The following PDK4 variants were observed in gnomAD, a reference collection of about 807,000 sequenced individuals.
PDK4 encodes the protein pyruvate dehydrogenase kinase, isozyme 4.
PDK4 carries 43 observed loss-of-function variants against 51.7 expected under a neutral mutation model. The observed-to-expected ratio is 0.83, with a 90% CI of 0.65 to 1.07. The LOEUF (loss-of-function observed/expected upper bound fraction) is 1.07, where lower values mean the gene tolerates loss of function less well. Among genes scored for constraint, PDK4 ranks in the 50% least tolerant of loss-of-function variants. PDK4 has a pLI of 0.00. For missense variants in PDK4, 498 were observed against 503.5 expected (o/e 0.99, Z 0.10); for synonymous variants, 170 against 176.6 (o/e 0.96, Z 0.30).
rs1791468766 is a variant in PDK4 at position 95,585,454 on chromosome 7, A to C, written c.*187T>G. On this transcript the variant is annotated 3_prime_UTR_variant, in exon 11 of 11. Coordinates refer to ENST00000005178, the MANE Select transcript of PDK4 (RefSeq NM_002612.4). The stretch of plus-strand genomic sequence containing the variant: ...GAGCTGGCCATCTGTTAACTCCTGT[A>C]GTCTTGCACTAAGTTCTCCTGGGTC... 5 of 444,984 alleles carry C rather than the reference A, an allele frequency of 1.1e-5. No individual in the cohort carries two copies. Among genetic ancestry groups the C allele is most frequent in the Middle Eastern group, 5.9e-4 (1 of 1,700 alleles). 27.6% of individuals were successfully genotyped at this position (444,984 alleles called of 1,614,324 possible). A position where few individuals can be genotyped will look rare whatever the true frequency, so the allele number is the denominator to read the frequency against.
chr7:95,592,075 A>C lies in PDK4; in HGVS notation c.617-10T>G, dbSNP rs1791559309. On this transcript the variant is annotated splice_polypyrimidine_tract_variant and intron_variant, in intron 5 of 10. Transcript: ENST00000005178. Reference sequence around the variant, plus strand: ...GAACACTCAAAGGCATCTGGAATAGAAGTTGTTTTTTATAACAATGAAATG... The same window carrying C: ...GAACACTCAAAGGCATCTGGAATAGCAGTTGTTTTTTATAACAATGAAATG... 3 of 1,540,446 alleles carry C rather than the reference A, an allele frequency of 1.9e-6. No individual in the cohort carries two copies. The highest frequency in any genetic ancestry group is 1.8e-6 in the Non-Finnish European group (2 of 1,135,464).
chr7:95,592,898 C>A lies in PDK4; in HGVS notation c.391G>T (p.Val131Phe). ...IKVRNRHHNV[V>F]PTMAQGIIEY... ...ATGATTCCTTGTGCCATTGTAGGGACTACATTATGGTGTCTATTTCGAACT... is the reference window on the plus strand; with the variant it reads ...ATGATTCCTTGTGCCATTGTAGGGAATACATTATGGTGTCTATTTCGAACT... The change falls in exon 4 of 11, where the codon GTC becomes TTC. Residue 131 changes from valine to phenylalanine, a missense_variant. Val to Phe is a conservative substitution (Grantham distance 50). Coordinates refer to ENST00000005178, the MANE Select transcript of PDK4 (RefSeq NM_002612.4). The A allele has an allele frequency of 6.2e-7, 1 of 1,611,654 alleles. No individual in the cohort carries two copies. Among genetic ancestry groups the A allele is most frequent in the Non-Finnish European group, 8.5e-7 (1 of 1,178,318 alleles).
chr7:95,593,507 A>G (rs3779478), intron 3 of PDK4, among the ~76,000 whole-genome samples, 192 bp downstream of exon 3: 11,567 of 152,184 alleles, frequency 0.076, 520 homozygotes, highest in South Asian at 0.23. Flanking sequence ...ACATTTCTTC[A>G]CACTCAGCAT....
Position 95,591,541 on chromosome 7 carries a change from C to T in PDK4, c.694+447G>A, listed in dbSNP as rs187163379. 2.5e-3 allele frequency among the ~76,000 whole-genome samples: 385 copies of T among 152,226 alleles called. 1 individual carries two copies. Among genetic ancestry groups the T allele is most frequent in the Non-Finnish European group, 3.4e-3 (230 of 68,030 alleles). ...CTGTGAGTGTGACCATTTTATACAT[C>T]TCATATAAGTGGAATCATGCATCTG... On this transcript the variant is annotated intron_variant, in intron 6 of 10. Transcript: ENST00000005178.
At chr7:95,586,333 T>C (rs760414932) in intron 10 of PDK4, among the ~76,000 whole-genome samples, 1 of 151,908 alleles carries the variant, frequency 6.6e-6, no homozygotes, top group African/African-American at 2.4e-5. Context: ...TAGCTGGGGT[T>C]ACAGGCACCC....
In PDK4 at chr7:95,596,341, G is replaced by A; in HGVS notation, c.-48C>T. 2 of 1,534,994 alleles carry A rather than the reference G, an allele frequency of 1.3e-6. No individual in the cohort carries two copies. Among genetic ancestry groups the A allele is most frequent in the Non-Finnish European group, 1.7e-6 (2 of 1,143,122 alleles). ...GGGGACTGTGGCTGGCTTGAGGGGC[G>A]AAGGCTGCTCGGAGCAGAGCCTGGT... On this transcript the variant is annotated 5_prime_UTR_variant, in exon 1 of 11. Transcript: ENST00000005178.
At position 95,595,105 on chromosome 7, in the gene PDK4, TCA is replaced by T. The variant is rs1291994905; in HGVS notation, c.188_189del (p.Val63GlufsTer10). 1.9e-6 allele frequency: 3 copies of T among 1,612,454 alleles called. No individual in the cohort carries two copies. Among genetic ancestry groups the T allele is most frequent in the Non-Finnish European group, 2.5e-6 (3 of 1,178,694 alleles). ...ATTTCCTTCAGAATGTTGGCGAGTC[TCA>T]CAGGCAATTCTTGTCGCAAAAATGC... Reference protein sequence around the residue: ...SFAFLRQELPVRLANILKEID... With the variant: ...SFAFLRQELPXRLANILKEID... On this transcript the variant is annotated frameshift_variant, in exon 2 of 11. Coordinates refer to ENST00000005178, the MANE Select transcript of PDK4 (RefSeq NM_002612.4). LOFTEE classifies it high-confidence loss of function.
At chr7:95,586,088 A>G (rs1244193921) in intron 10 of PDK4, among the ~76,000 whole-genome samples, 1 of 152,180 alleles carries the variant, frequency 6.6e-6, no homozygotes, top group Non-Finnish European at 1.5e-5. Context: ...TTTAGTTGCT[A>G]ATATCTATAT....
chr7:95,591,340 C>T (rs1206964358), intron 6 of PDK4, among the ~76,000 whole-genome samples: 1 of 152,150 alleles, frequency 6.6e-6, no homozygotes, highest in African/African-American at 2.4e-5. Context: ...GAGATCTACC[C>T]TTTTAACAAA....
Position 95,595,155 on chromosome 7 carries a change from T to C in PDK4, c.140A>G (p.Asn47Ser). 1 of 1,611,488 alleles carries C rather than the reference T, an allele frequency of 6.2e-7. No homozygotes were observed. Among genetic ancestry groups the C allele is most frequent in the Non-Finnish European group, 8.5e-7 (1 of 1,177,816 alleles). Residue 47 changes from asparagine to serine, a missense_variant, in exon 2 of 11, where the codon AAT (asparagine) becomes AGT (serine). Physicochemically the swap from Asn to Ser is conservative, Grantham distance 46. Transcript: ENST00000005178. ...TGCAAAAGAAGTTCTTTCACATGCA[T>C]TTTCTGAACCTATAATAAATGAAAT... ...MKQLLDFGSENACERTSFAFL... is the reference protein window; with the variant it reads ...MKQLLDFGSESACERTSFAFL...
chr7:95,589,761 C>G (rs1791529848), intron 6 of PDK4, 45 bp from the exon 7 acceptor site: 1 of 1,007,808 alleles, frequency 9.9e-7, no homozygotes, highest in Admixed American at 1.7e-5. Flanking sequence ...AAATACTTCA[C>G]TAAAATAAAC....
rs1562839581 is a variant in PDK4 at position 95,595,181 on chromosome 7, C to A, written c.131-17G>T. Reference sequence around the variant, plus strand: ...TTTCTGAACCTATAATAAATGAAATCAATTTAGTTTTGAGAAAAAGTGTGT... The same window carrying A: ...TTTCTGAACCTATAATAAATGAAATAAATTTAGTTTTGAGAAAAAGTGTGT... On this transcript the variant is annotated splice_polypyrimidine_tract_variant and intron_variant, in intron 1 of 10. Transcript: ENST00000005178. 1.3e-6 allele frequency: 2 copies of A among 1,595,602 alleles called. No individual in the cohort carries two copies. The highest frequency in any genetic ancestry group is 8.6e-7 in the Non-Finnish European group (1 of 1,164,638).
In PDK4 at chr7:95,592,955, A is replaced by T. The variant is rs1233277335; in HGVS notation, c.345-11T>A. On this transcript the variant is annotated splice_polypyrimidine_tract_variant and intron_variant, in intron 3 of 10. Transcript: ENST00000005178. ...AGTGTATCTACAAAGCTAAGCCACAATATTTATGGTTAGTAAAAGTTCAAA... is the reference window on the plus strand; with the variant it reads ...AGTGTATCTACAAAGCTAAGCCACATTATTTATGGTTAGTAAAAGTTCAAA... 6.5e-7 allele frequency: 1 copy of T among 1,544,438 alleles called. No homozygotes were observed.
At chr7:95,595,571 T>A (rs1355384109) in intron 1 of PDK4, among the ~76,000 whole-genome samples, 3 of 152,158 alleles carry the variant, frequency 2.0e-5, no homozygotes, top group Non-Finnish European at 4.4e-5. Context: ...GAGGGGGAGC[T>A]GTGATATTTC....
rs769677730 is a variant in PDK4 at position 95,589,750 on chromosome 7, C to T, written c.695-34G>A. 7 of 1,112,742 alleles carry T rather than the reference C, an allele frequency of 6.3e-6. No homozygotes were observed. In the South Asian group the frequency reaches 8.9e-5, roughly 14 times the overall value. The allele number at this position is 1,112,742 out of a possible 1,614,324, so 68.9% of individuals were successfully genotyped here. A position where few individuals can be genotyped will look rare whatever the true frequency, so the allele number is the denominator to read the frequency against. The stretch of plus-strand genomic sequence containing the variant: ...ATAAAATTCATTAAGAATTTGTAAA[C>T]AAATACTTCACTAAAATAAACCACC... On this transcript the variant is annotated intron_variant, in intron 6 of 10. Coordinates refer to ENST00000005178, the MANE Select transcript of PDK4 (RefSeq NM_002612.4).
Position 95,585,583 on chromosome 7 carries a change from G to A in PDK4, c.*58C>T. On this transcript the variant is annotated 3_prime_UTR_variant, in exon 11 of 11. Transcript: ENST00000005178. Reference sequence around the variant, plus strand: ...ACAAGGGTTCACACACAAACATTCAGGAAGCAGCACTGGTGTAGACCCACT... The same window carrying A: ...ACAAGGGTTCACACACAAACATTCAAGAAGCAGCACTGGTGTAGACCCACT... 1 of 1,449,822 alleles carries A rather than the reference G, an allele frequency of 6.9e-7. No homozygotes were observed. Among genetic ancestry groups the A allele is most frequent in the South Asian group, 1.4e-5 (1 of 71,832 alleles). 89.8% of individuals were successfully genotyped at this position (1,449,822 alleles called of 1,614,324 possible). A position where few individuals can be genotyped will look rare whatever the true frequency, so the allele number is the denominator to read the frequency against.
Position 95,595,174 on chromosome 7 carries a change from A to G in PDK4, c.131-10T>C. On this transcript the variant is annotated splice_polypyrimidine_tract_variant and intron_variant, in intron 1 of 10. Transcript: ENST00000005178. ...CATGCATTTTCTGAACCTATAATAAATGAAATCAATTTAGTTTTGAGAAAA... is the reference window on the plus strand; with the variant it reads ...CATGCATTTTCTGAACCTATAATAAGTGAAATCAATTTAGTTTTGAGAAAA... 1.9e-6 allele frequency: 3 copies of G among 1,602,870 alleles called. No individual in the cohort carries two copies. Among genetic ancestry groups the G allele is most frequent in the Non-Finnish European group, 8.5e-7 (1 of 1,170,684 alleles).
intron 3 of PDK4, among the ~76,000 whole-genome samples, 188 bp from the exon 4 acceptor site, chr7:95,593,132 CACAA>C (rs1341626659): frequency 1.3e-5 from 2 of 152,084 alleles, no homozygotes; most frequent in Non-Finnish European, 2.9e-5. Context: ...GAGATAATTT[CACAA>C]ACAGACTCAT....
In PDK4 at chr7:95,592,555, A is replaced by C. The variant is rs138077797; in HGVS notation, c.572T>G (p.Ile191Ser). 3 of 1,611,514 alleles carry C rather than the reference A, an allele frequency of 1.9e-6. No individual in the cohort carries two copies. In the African/African-American group the frequency reaches 4.0e-5, roughly 22 times the overall value. ...SDSQTGNPSH[I>S]GSIDPNCDVV... ...ATCACAGTTAGGATCAATGCTTCCA[A>C]TGTGGCTTGGGTTTCCTGTCTGTGA... is the stretch of plus-strand genomic sequence containing the variant. The change falls in exon 5 of 11, where the codon ATT (isoleucine) becomes AGT (serine). Residue 191 changes from isoleucine (I) to serine (S), a missense_variant. By Grantham distance (142) the Ile-to-Ser change is moderately radical. Coordinates refer to ENST00000005178, the MANE Select transcript of PDK4 (RefSeq NM_002612.4).
Sources: allele counts gnomAD v4.1 joint callset (sites outside exome capture counted in the v4.1 genomes callset), GRCh38; gene constraint gnomAD v4.1.1; transcripts MANE v1.5; gene names NCBI Gene and HGNC (gene_info 2026-07-23, HGNC 2026-07-21).